NPAS3: variants seen among roughly 807,000 people sequenced by gnomAD.
NPAS3 encodes the protein neuronal PAS domain protein 3.
In NPAS3, 14 loss-of-function variants were observed where a neutral mutation model predicts 73.1. That is an observed-to-expected ratio of 0.19 (90% CI 0.13 to 0.30). NPAS3 has a LOEUF of 0.30. Ranked by LOEUF, NPAS3 falls within the 10% of genes least tolerant of loss-of-function variation. The pLI is 1.00. For synonymous variants in NPAS3, 620 were observed against 541.5 expected, an observed-to-expected ratio of 1.14 and a Z score of -2.01; for missense variants, 1,096 against 1,250.0, an observed-to-expected ratio of 0.88 and a Z score of 1.86.
At chr14:33,624,654 G>T (rs959471784) in intron 5 of NPAS3, among the ~76,000 whole-genome samples, 3 of 151,304 alleles carry the variant, frequency 2.0e-5, no homozygotes, top group Non-Finnish European at 2.9e-5. Flanking sequence ...ATAGAAAAAA[G>T]TTTTAAATGA....
intron 5 of NPAS3, among the ~76,000 whole-genome samples, chr14:33,594,260 T>C (rs2057164173): frequency 6.6e-6 from 1 of 152,018 alleles, no homozygotes; most frequent in African/African-American, 2.4e-5. Flanking sequence ...CACAATGTAA[T>C]TGCTATTATT....
chr14:33,357,403 G>A (rs1258296148), intron 3 of NPAS3, among the ~76,000 whole-genome samples: 1 of 152,176 alleles, frequency 6.6e-6, no homozygotes, highest in Admixed American at 6.5e-5. Context: ...TGTTTGCACT[G>A]GTGTGAGGCC....
At chr14:33,033,273 G>A (rs571900583) in intron 1 of NPAS3, among the ~76,000 whole-genome samples, 3 of 152,244 alleles carry the variant, frequency 2.0e-5, no homozygotes, top group Non-Finnish European at 2.9e-5. Context: ...GACGTCAGGA[G>A]TTCGAGAACA....
At chr14:33,478,047 A>G (rs561467690) in intron 4 of NPAS3, among the ~76,000 whole-genome samples, 2 of 152,252 alleles carry the variant, frequency 1.3e-5, no homozygotes, top group East Asian at 3.9e-4. Flanking sequence ...GTGTGGGGGA[A>G]CTGGCAACAC....
intron 2 of NPAS3, among the ~76,000 whole-genome samples, chr14:33,199,362 G>T (rs2046521239): frequency 1.3e-5 from 2 of 152,146 alleles, no homozygotes; most frequent in Non-Finnish European, 1.5e-5. Flanking sequence ...CAAATGTGAA[G>T]GTCTAGGATT....
chr14:33,468,699 C>T (rs1187728092), intron 4 of NPAS3, among the ~76,000 whole-genome samples: 2 of 152,144 alleles, frequency 1.3e-5, no homozygotes, highest in Non-Finnish European at 2.9e-5. Context: ...TGCCTTATTA[C>T]AAGAGTGGTC....
intron 5 of NPAS3, among the ~76,000 whole-genome samples, chr14:33,632,190 C>T (rs1464095070): frequency 6.6e-6 from 1 of 152,052 alleles, no homozygotes; most frequent in Admixed American, 6.6e-5. Context: ...AGGTGTTGAC[C>T]AAGTCCATGT....
intron 5 of NPAS3, among the ~76,000 whole-genome samples, chr14:33,628,162 T>G (rs1489198704): frequency 1.3e-5 from 2 of 152,264 alleles, no homozygotes; most frequent in Non-Finnish European, 2.9e-5. Flanking sequence ...CTTTAAATTC[T>G]CAATAAGATT....
chr14:33,714,976 T>C (rs909985841), intron 6 of NPAS3, among the ~76,000 whole-genome samples: 2 of 152,244 alleles, frequency 1.3e-5, no homozygotes, highest in Non-Finnish European at 2.9e-5. Context: ...TTGACATCTC[T>C]CATGATTCCC....
chr14:33,308,527 T>TATACACACACACACACACACACACAC lies in NPAS3; in HGVS notation c.386-58658_386-58657insTACACACACACACACACACACACACA. On this transcript the variant is annotated intron_variant, in intron 3 of 11. Coordinates refer to ENST00000356141, the Ensembl canonical transcript of NPAS3. ...TGCATAGTTTATATATATATATATA[T>TATACACACACACACACACACACACAC]ACATACACACACACACACACACACA... Among the ~76,000 whole-genome samples the TATACACACACACACACACACACACAC allele has an allele frequency of 1.3e-4, 13 of 103,730 alleles. No homozygotes were observed. The East Asian group carries it at 2.3e-3, about 18-fold the overall frequency. The allele number at this position is 103,730 out of a possible 152,430, so 68.1% of individuals were successfully genotyped here. A position where few individuals can be genotyped will look rare whatever the true frequency, so the allele number is the denominator to read the frequency against.
At chr14:33,488,021 A>G (rs1427267902) in intron 4 of NPAS3, among the ~76,000 whole-genome samples, 1 of 152,108 alleles carries the variant, frequency 6.6e-6, no homozygotes, top group Admixed American at 6.6e-5. Flanking sequence ...GAGGCCCTGT[A>G]AGGTGGTACA....
intron 3 of NPAS3, among the ~76,000 whole-genome samples, chr14:33,324,563 T>A (rs80177962): frequency 0.036 from 5,473 of 152,258 alleles, 115 homozygotes; most frequent in Non-Finnish European, 0.054. Context: ...TGCGAAAATC[T>A]TTTGATTATC....
intron 4 of NPAS3, among the ~76,000 whole-genome samples, chr14:33,446,200 G>T (rs547655251): frequency 1.6e-5 from 2 of 125,656 alleles, no homozygotes; most frequent in East Asian, 2.5e-4. Flanking sequence ...ACGGAGTCTC[G>T]CTCTGTCGCC....
chr14:33,360,114 C>T (rs2274511), intron 3 of NPAS3, among the ~76,000 whole-genome samples: 23,511 of 152,214 alleles, frequency 0.15, 2,198 homozygotes, highest in African/African-American at 0.26. Context: ...ACTGGATCCT[C>T]GTCAGCTTCG....
chr14:33,597,661 C>G (rs2057284177), intron 5 of NPAS3, among the ~76,000 whole-genome samples: 2 of 152,198 alleles, frequency 1.3e-5, no homozygotes, highest in African/African-American at 4.8e-5. Flanking sequence ...GCAGCAGTTA[C>G]TCGAGAGTGG....
intron 3 of NPAS3, among the ~76,000 whole-genome samples, chr14:33,265,291 G>T (rs2049127995): frequency 6.6e-6 from 1 of 152,178 alleles, no homozygotes; most frequent in African/African-American, 2.4e-5. Context: ...TCACTTCAAA[G>T]AACTATCAAG....
rs564579161 is a variant in NPAS3, at chr14:33,311,421, A to G, written c.386-55765A>G. Among the ~76,000 whole-genome samples, 12 of 152,272 alleles carry G rather than the reference A, an allele frequency of 7.9e-5. No individual in the cohort carries two copies. In the South Asian group the frequency reaches 2.3e-3, roughly 29 times the overall value. On this transcript the variant is annotated intron_variant, in intron 3 of 11. Transcript: ENST00000356141. ...AAGTATTATGTTCTCCTTGTGGAAT[A>G]TTAAGTACAACACTGAACTTATATA...
intron 5 of NPAS3, among the ~76,000 whole-genome samples, chr14:33,571,302 C>A (rs1272697011): frequency 2.0e-5 from 3 of 152,150 alleles, no homozygotes; most frequent in East Asian, 1.9e-4. Flanking sequence ...CAGGCTCCTT[C>A]TTCTTTAAAA....
chr14:33,055,260 T>C (rs565934805), intron 1 of NPAS3, among the ~76,000 whole-genome samples: 12 of 152,288 alleles, frequency 7.9e-5, no homozygotes, highest in African/African-American at 2.9e-4. Context: ...TTGTGTAAGC[T>C]TTTTCCCCTT....
Sources: allele counts gnomAD v4.1 joint callset (sites outside exome capture counted in the v4.1 genomes callset), GRCh38; gene constraint gnomAD v4.1.1; transcripts MANE v1.5; gene names NCBI Gene and HGNC (gene_info 2026-07-23, HGNC 2026-07-21).